Variants in NTRK2 observed in about 807,000 individuals in gnomAD.
NTRK2 encodes neurotrophic receptor tyrosine kinase 2.
NTRK2 carries 13 observed loss-of-function variants against 94.5 expected under a neutral mutation model. The observed-to-expected ratio is 0.14, with a 90% CI of 0.09 to 0.22. The LOEUF (loss-of-function observed/expected upper bound fraction) is 0.22. NTRK2 is among the 10% of genes least tolerant of loss of function. NTRK2 has a pLI of 1.00. For synonymous variants in NTRK2, 372 were observed against 407.4 expected (o/e 0.91, Z 1.05); for missense variants, 639 against 1,071.2 (o/e 0.60, Z 5.63).
chr9:84,790,491 A>G (rs1003733972), intron 12 of NTRK2, among the ~76,000 whole-genome samples: 1 of 152,226 alleles, frequency 6.6e-6, no homozygotes, highest in Admixed American at 6.5e-5. Flanking sequence ...ATAGACGAAC[A>G]TAAAAGGAAT....
At chr9:84,988,395 A>G (rs1271720057) in intron 17 of NTRK2, among the ~76,000 whole-genome samples, 1 of 152,134 alleles carries the variant, frequency 6.6e-6, no homozygotes, top group African/African-American at 2.4e-5. Context: ...GAGAGTGTGA[A>G]TCAGGATCAC....
At chr9:84,837,624 G>C (rs2073952700) in intron 12 of NTRK2, among the ~76,000 whole-genome samples, 1 of 152,146 alleles carries the variant, frequency 6.6e-6, no homozygotes, top group Non-Finnish European at 1.5e-5. Flanking sequence ...TAAAACTTTA[G>C]ATAACCTCAT....
At chr9:84,895,583 C>CGG (rs762490486) in intron 14 of NTRK2, among the ~76,000 whole-genome samples, 2 of 152,230 alleles carry the variant, frequency 1.3e-5, no homozygotes, top group East Asian at 3.9e-4. Context: ...GGTTTTAAAC[C>CGG]GGTTCTTATT....
chr9:84,727,593 T>C, intron 8 of NTRK2, 61 bp from the exon 9 acceptor site: 5 of 1,517,772 alleles, frequency 3.3e-6, no homozygotes, highest in Non-Finnish European at 4.5e-6. Context: ...GACACAGACA[T>C]CTCGAGATGG....
rs1296420852 is a variant in NTRK2, at chr9:85,023,788, A to G, written c.*2351A>G. On this transcript the variant is annotated 3_prime_UTR_variant, in exon 19 of 19. Transcript: ENST00000277120. Reference sequence around the variant, plus strand: ...AAAAACTTTTCTAGATTCCATCAGCAAAAACCAACACAGGTTTGTCACGCT... The same window carrying G: ...AAAAACTTTTCTAGATTCCATCAGCGAAAACCAACACAGGTTTGTCACGCT... 4.3e-6 allele frequency: 1 copy of G among 230,592 alleles called. No individual in the cohort carries two copies. Among genetic ancestry groups the G allele is most frequent in the Non-Finnish European group, 8.6e-6 (1 of 116,404 alleles). 14.3% of individuals were successfully genotyped at this position (230,592 alleles called of 1,614,324 possible). A position where few individuals can be genotyped will look rare whatever the true frequency, so the allele number is the denominator to read the frequency against.
intron 12 of NTRK2, among the ~76,000 whole-genome samples, chr9:84,809,142 A>G (rs1292464231): frequency 6.6e-6 from 1 of 152,142 alleles, no homozygotes; most frequent in Non-Finnish European, 1.5e-5. Context: ...TGCAGAACTT[A>G]TCTCATAGGG....
At chr9:84,923,528 A>G (rs757055197) in intron 14 of NTRK2, among the ~76,000 whole-genome samples, 4 of 152,228 alleles carry the variant, frequency 2.6e-5, no homozygotes, top group Non-Finnish European at 5.9e-5. Context: ...TTTTTAATTT[A>G]TCCCCACCAA....
chr9:84,824,061 A>G (rs751294241), intron 12 of NTRK2, among the ~76,000 whole-genome samples: 2 of 152,296 alleles, frequency 1.3e-5, no homozygotes, highest in Non-Finnish European at 2.9e-5. Context: ...GGTTTCAGCC[A>G]TTTAGTTTCA....
At chr9:84,748,509 C>G (rs4877877) in intron 11 of NTRK2, among the ~76,000 whole-genome samples, 108,864 of 152,090 alleles carry the variant, frequency 0.72, 39,170 homozygotes, top group African/African-American at 0.74. Context: ...TGAAGCATCT[C>G]TTCTAGCTGT....
chr9:84,935,766 A>G (rs1328427844), intron 15 of NTRK2, among the ~76,000 whole-genome samples: 1 of 152,134 alleles, frequency 6.6e-6, no homozygotes, highest in Non-Finnish European at 1.5e-5. Flanking sequence ...TTACTTACTC[A>G]AAAAGTTTTG....
rs372582543 is a variant in NTRK2, at chr9:84,677,674, T to C, written c.212+6714T>C. On this transcript the variant is annotated intron_variant, in intron 2 of 18. Transcript: ENST00000277120. ...ATCTAATGTCTCATTTAGGGCTCTG[T>C]CTACTCCAACCTTGGTGCCCAAATT... is the stretch of plus-strand genomic sequence containing the variant. 1.5e-4 allele frequency among the ~76,000 whole-genome samples: 23 copies of C among 152,292 alleles called. 1 individual carries two copies. In the East Asian group the frequency reaches 3.3e-3, roughly 22 times the overall value.
intron 12 of NTRK2, among the ~76,000 whole-genome samples, chr9:84,772,330 T>G (rs1313334670): frequency 6.6e-6 from 1 of 152,024 alleles, no homozygotes; most frequent in Non-Finnish European, 1.5e-5. Flanking sequence ...TCCCAGCTGA[T>G]TGAAACCTCC....
chr9:84,762,626 G>A (rs1291237134), intron 12 of NTRK2, among the ~76,000 whole-genome samples: 3 of 152,142 alleles, frequency 2.0e-5, no homozygotes, highest in African/African-American at 7.2e-5. Context: ...AAAATGTCTA[G>A]GATTGGATTG....
At chr9:84,855,977 A>G in intron 12 of NTRK2, among the ~76,000 whole-genome samples, 1 of 152,212 alleles carries the variant, frequency 6.6e-6, no homozygotes, top group East Asian at 1.9e-4. Flanking sequence ...TCTGGCCACA[A>G]CTAACCACAA....
At chr9:84,993,472 C>T (rs1829346797) in intron 17 of NTRK2, among the ~76,000 whole-genome samples, 1 of 152,206 alleles carries the variant, frequency 6.6e-6, no homozygotes, top group Non-Finnish European at 1.5e-5. Context: ...TCTCTCTGTA[C>T]TCTTGCTACC....
Position 84,670,692 on chromosome 9 carries a change from G to A in NTRK2, c.-57G>A, listed in dbSNP as rs201362225. On this transcript the variant is annotated 5_prime_UTR_variant, in exon 2 of 19. Coordinates refer to ENST00000277120, the MANE Select transcript of NTRK2 (RefSeq NM_006180.6). Reference sequence around the variant, plus strand: ...GGGAAGGCCTCCCCGCACGGGTGGGGGAAAGCGGCCGGTGCAGCGCGGGGA... The same window carrying A: ...GGGAAGGCCTCCCCGCACGGGTGGGAGAAAGCGGCCGGTGCAGCGCGGGGA... 6.3e-7 allele frequency: 1 copy of A among 1,575,920 alleles called. No individual in the cohort carries two copies. The highest frequency in any genetic ancestry group is 8.7e-7 in the Non-Finnish European group (1 of 1,153,132).
intron 17 of NTRK2, among the ~76,000 whole-genome samples, chr9:84,992,071 C>CTACCCTTCAAGGTCTCATA (rs1829149685): frequency 1.3e-5 from 2 of 152,168 alleles, no homozygotes; most frequent in South Asian, 4.1e-4. Context: ...GTGGTAAAAT[C>CTACCCTTCAAGGTCTCATA]TACCCTTCAA....
In NTRK2 at chr9:85,026,900, G is replaced by A. The variant is rs1833060884; in HGVS notation, c.*5463G>A. 1 of 232,208 alleles carries A rather than the reference G, an allele frequency of 4.3e-6. No homozygotes were observed. The highest frequency in any genetic ancestry group is 5.6e-5 in the Admixed American group (1 of 17,720). 14.4% of individuals were successfully genotyped at this position (232,208 alleles called of 1,614,324 possible). ...TACTAAGACCCACTGCATCTTGGCT[G>A]ATTTCAAAGTGACACCTGAATACAG... On this transcript the variant is annotated 3_prime_UTR_variant, in exon 19 of 19. Transcript: ENST00000277120.
intron 12 of NTRK2, among the ~76,000 whole-genome samples, chr9:84,833,775 C>A (rs1266085733): frequency 2.6e-5 from 4 of 152,126 alleles, no homozygotes; most frequent in Non-Finnish European, 5.9e-5. Flanking sequence ...CCCTTGATAA[C>A]CCAAATCAAG....
Sources: allele counts gnomAD v4.1 joint callset (sites outside exome capture counted in the v4.1 genomes callset), GRCh38; gene constraint gnomAD v4.1.1; transcripts MANE v1.5; gene names NCBI Gene and HGNC (gene_info 2026-07-23, HGNC 2026-07-21).